Variants in DENND4A observed in about 807,000 individuals in gnomAD.
DENND4A encodes the protein C-myc promoter-binding protein.
DENND4A carries 70 observed loss-of-function variants against 199.3 expected under a neutral mutation model. That is an observed-to-expected ratio of 0.35 (90% CI 0.29 to 0.43). The LOEUF (loss-of-function observed/expected upper bound fraction) is 0.43. DENND4A is among the 20% of genes least tolerant of loss of function. The pLI, the probability that DENND4A is intolerant of heterozygous loss-of-function variation, is 1.00. For synonymous variants in DENND4A, 686 were observed against 766.9 expected, an observed-to-expected ratio of 0.89 and a Z score of 1.74; for missense variants, 1,723 against 2,255.8, an observed-to-expected ratio of 0.76 and a Z score of 4.78.
intron 14 of DENND4A, among the ~76,000 whole-genome samples, chr15:65,712,584 T>A (rs1169264422): frequency 6.6e-6 from 1 of 152,218 alleles, no homozygotes; most frequent in East Asian, 1.9e-4. Flanking sequence ...ACTATTTTCC[T>A]ATTCATAGTG....
At chr15:65,712,801 C>T (rs1234171782) in intron 14 of DENND4A, among the ~76,000 whole-genome samples, 7 of 152,010 alleles carry the variant, frequency 4.6e-5, no homozygotes, top group African/African-American at 1.7e-4. Flanking sequence ...ATAATCTTAA[C>T]GTTACAAATT....
intron 23 of DENND4A, chr15:65,681,129 T>C (rs2076559518): frequency 6.6e-6 from 1 of 152,226 alleles, no homozygotes; most frequent in Non-Finnish European, 1.5e-5. Context: ...CCCTTCAAGT[T>C]TTATTATTTG....
At chr15:65,790,285 T>C (rs1377821576) in intron 1 of DENND4A, among the ~76,000 whole-genome samples, 2 of 152,166 alleles carry the variant, frequency 1.3e-5, no homozygotes, top group Non-Finnish European at 2.9e-5. Context: ...CCTGGCTCTC[T>C]TGCACAGACA....
At chr15:65,678,429 C>T (rs922840892) in intron 23 of DENND4A, among the ~76,000 whole-genome samples, 3 of 152,114 alleles carry the variant, frequency 2.0e-5, no homozygotes, top group African/African-American at 7.2e-5. Context: ...TAAATTATGT[C>T]CTTCAGTAAA....
intron 2 of DENND4A, among the ~76,000 whole-genome samples, chr15:65,757,217 A>C (rs998108704): frequency 1.4e-5 from 2 of 146,064 alleles, no homozygotes; most frequent in African/African-American, 5.0e-5. Flanking sequence ...GATCTCCTCA[A>C]TAATCAAGAG....
At chr15:65,730,267 T>C (rs2075920748) in intron 9 of DENND4A, among the ~76,000 whole-genome samples, 1 of 152,154 alleles carries the variant, frequency 6.6e-6, no homozygotes, top group Admixed American at 6.5e-5. Flanking sequence ...AGGCCTTCTA[T>C]ATAGTAACAA....
chr15:65,722,971 A>C (rs1268385032), intron 11 of DENND4A, 23 bp from the exon 12 acceptor site: 1 of 1,567,698 alleles, frequency 6.4e-7, no homozygotes, highest in Non-Finnish European at 8.7e-7. Context: ...AACAACAGGA[A>C]TATATTTGTT....
At chr15:65,667,886 G>A (rs886175689) in intron 28 of DENND4A, 39 bp downstream of exon 28, 20 of 1,574,538 alleles carry the variant, frequency 1.3e-5, no homozygotes, top group Non-Finnish European at 1.7e-5. Flanking sequence ...ATACGTAAGT[G>A]ATCAATTTCC....
chr15:65,755,701 G>A (rs1453501430), intron 3 of DENND4A, among the ~76,000 whole-genome samples: 1 of 152,180 alleles, frequency 6.6e-6, no homozygotes, highest in South Asian at 2.1e-4. Context: ...AGGAGTTTGA[G>A]GCTGTAGTGA....
intron 18 of DENND4A, 82 bp downstream of exon 18, chr15:65,701,680 C>T: frequency 1.5e-6 from 2 of 1,295,818 alleles, no homozygotes; most frequent in Non-Finnish European, 1.1e-6. Context: ...TGCCAAATAA[C>T]CCCCTGCATA....
intron 13 of DENND4A, among the ~76,000 whole-genome samples, chr15:65,717,364 T>C (rs1439373987): frequency 6.6e-6 from 1 of 152,240 alleles, no homozygotes; most frequent in Admixed American, 6.5e-5. Flanking sequence ...TGTAAATATT[T>C]GTAAAGTACA....
At chr15:65,669,365 A>AT (rs2076147485) in intron 27 of DENND4A, among the ~76,000 whole-genome samples, 1 of 152,234 alleles carries the variant, frequency 6.6e-6, no homozygotes, top group Admixed American at 6.5e-5. Context: ...CGCAGTTCCT[A>AT]TATCAGCTCC....
chr15:65,767,225 A>T (rs2077010556), intron 1 of DENND4A: 1 of 152,228 alleles, frequency 6.6e-6, no homozygotes, highest in Non-Finnish European at 1.5e-5. Flanking sequence ...GTCCTTAGAG[A>T]TATTGTTTCA....
intron 14 of DENND4A, among the ~76,000 whole-genome samples, chr15:65,710,854 T>C (rs1001784895): frequency 1.3e-5 from 2 of 152,188 alleles, no homozygotes; most frequent in African/African-American, 2.4e-5. Context: ...TATTTAAGCA[T>C]ATGGCAGTTT....
intron 13 of DENND4A, 130 bp downstream of exon 13, chr15:65,717,648 C>T: frequency 4.8e-6 from 4 of 833,836 alleles, no homozygotes; most frequent in Non-Finnish European, 7.3e-6. Flanking sequence ...ACCAACAAAG[C>T]TAGTATTCAG....
At chr15:65,742,611 G>A (rs1435313347) in intron 4 of DENND4A, among the ~76,000 whole-genome samples, 1 of 152,184 alleles carries the variant, frequency 6.6e-6, no homozygotes, top group Non-Finnish European at 1.5e-5. Flanking sequence ...ATTTTTAGTA[G>A]AGATGGGGTT....
At chr15:65,770,925 TTTAG>T (rs1232895851) in intron 1 of DENND4A, among the ~76,000 whole-genome samples, 3 of 152,210 alleles carry the variant, frequency 2.0e-5, no homozygotes, top group Non-Finnish European at 4.4e-5. Context: ...CTCAAGACAT[TTTAG>T]TTAGGAATCA....
chr15:65,772,102 T>C, intron 1 of DENND4A: 5 of 923,660 alleles, frequency 5.4e-6, no homozygotes, highest in Non-Finnish European at 8.9e-6. Context: ...TCCTGGACGA[T>C]GTCGACACAT....
intron 17 of DENND4A, 66 bp from the exon 18 acceptor site, chr15:65,701,956 A>G: frequency 6.3e-7 from 1 of 1,596,514 alleles, no homozygotes; most frequent in African/African-American, 1.3e-5. Flanking sequence ...CTAGAATAAA[A>G]TAATGCATTT....
Sources: allele counts gnomAD v4.1 joint callset (sites outside exome capture counted in the v4.1 genomes callset), GRCh38; gene constraint gnomAD v4.1.1; transcripts MANE v1.5; gene names NCBI Gene and HGNC (gene_info 2026-07-23, HGNC 2026-07-21).